The following REST variants were observed in gnomAD, a reference collection of about 807,000 sequenced individuals.
The protein encoded by REST is RE1-silencing transcription factor.
In REST, 1 loss-of-function variant was observed where a neutral mutation model predicts 30.4. The ratio of observed to expected loss-of-function variants is 0.03; its 90% CI spans 0.01 to 0.16. The LOEUF is 0.16. Ranked by LOEUF, REST falls within the 10% of genes least tolerant of loss-of-function variation. The probability of loss-of-function intolerance (pLI) is 1.00; values close to 1 mark genes in which losing one functional copy is unlikely to be tolerated. For synonymous variants in REST, 504 were observed against 451.1 expected, an observed-to-expected ratio of 1.12 and a Z score of -1.49; for missense variants, 1,259 against 1,329.5, an observed-to-expected ratio of 0.95 and a Z score of 0.82.
chr4:56,921,815 AATT>A (rs956074081), intron 3 of REST, among the ~76,000 whole-genome samples: 1 of 152,242 alleles, frequency 6.6e-6, no homozygotes, highest in Non-Finnish European at 1.5e-5. Context: ...CATATGGCAA[AATT>A]ATTGTATACA....
chr4:56,916,508 T>C (rs1197598803), intron 2 of REST, among the ~76,000 whole-genome samples: 2 of 151,720 alleles, frequency 1.3e-5, no homozygotes, highest in Non-Finnish European at 2.9e-5. Context: ...ATACAACACT[T>C]AGCCTGTAGT....
chr4:56,908,265 G>C (rs1206806264), intron 1 of REST, 52 bp downstream of exon 1: 1 of 214,530 alleles, frequency 4.7e-6, no homozygotes, highest in African/African-American at 2.3e-5. Context: ...AGGGCCGCCC[G>C]GGCGGCGGCA....
At chr4:56,921,429 G>A (rs925174981) in intron 3 of REST, among the ~76,000 whole-genome samples, 4 of 151,696 alleles carry the variant, frequency 2.6e-5, no homozygotes, top group Admixed American at 1.3e-4. Context: ...TTTCTGTTGA[G>A]ACAGAGTCTT....
rs374016428 is a variant in REST at position 56,930,958 on chromosome 4, A to T, written c.2100A>T (p.Gln700His). 6.2e-6 allele frequency: 10 copies of T among 1,610,756 alleles called. No homozygotes were observed. The African/African-American group carries it at 1.4e-4, about 22-fold the overall frequency. ...AGACTGCTCAGACGGAGGTTGCCCA[A>T]ATGGGGCCTGCTCCCATGGAACCTG... ...PMETAQTEVA[Q>H]MGPAPMEPAQ... Residue 700 changes from glutamine to histidine, a missense_variant, in exon 4 of 4, where the codon CAA (glutamine) becomes CAT (histidine). Transcript: ENST00000309042.
At chr4:56,925,078 T>C (rs1578505692) in intron 3 of REST, among the ~76,000 whole-genome samples, 2 of 149,542 alleles carry the variant, frequency 1.3e-5, no homozygotes, top group East Asian at 4.0e-4. Context: ...GACAGGAGAA[T>C]CACTTGAACC....
chr4:56,918,457 C>A (rs1720304412), intron 2 of REST, among the ~76,000 whole-genome samples: 1 of 152,172 alleles, frequency 6.6e-6, no homozygotes. Flanking sequence ...CATGCCACCA[C>A]ACTCCAGTCT....
In REST at chr4:56,931,948, T is replaced by C. The variant is rs754370383; in HGVS notation, c.3090T>C (p.Ser1030=). The change falls in exon 4 of 4, where the codon TCT becomes TCC. Residue 1030 remains serine (S), a synonymous_variant. Coordinates refer to ENST00000309042, the MANE Select transcript of REST (RefSeq NM_005612.5). ...SDNMSEGSDD[S]GLHGARPVPQ... is the part of the protein sequence containing the mutation. The stretch of plus-strand genomic sequence containing the variant: ...ACATGTCAGAGGGTAGTGATGATTC[T>C]GGATTGCATGGGGCTCGGCCAGTTC... 3 of 1,614,238 alleles carry C rather than the reference T, an allele frequency of 1.9e-6. No homozygotes were observed. The highest frequency in any genetic ancestry group is 2.5e-6 in the Non-Finnish European group (3 of 1,180,034).
chr4:56,915,240 A>AT (rs1193678055), intron 2 of REST, among the ~76,000 whole-genome samples: 4,814 of 55,638 alleles, frequency 0.087, 565 homozygotes, highest in Middle Eastern at 0.14. Context: ...GTGTGTGTGT[A>AT]TTTTTTTTTT....
intron 3 of REST, among the ~76,000 whole-genome samples, chr4:56,921,340 G>C (rs995566544): frequency 6.6e-6 from 1 of 152,142 alleles, no homozygotes; most frequent in Non-Finnish European, 1.5e-5. Flanking sequence ...TTAAGCTTTC[G>C]AAACATTAGT....
Position 56,911,066 on chromosome 4 carries a change from A to G in REST, c.428A>G (p.Glu143Gly). 6.2e-7 allele frequency: 1 copy of G among 1,614,156 alleles called. No homozygotes were observed. The highest frequency in any genetic ancestry group is 2.2e-5 in the East Asian group (1 of 44,886). Reference sequence around the variant, plus strand: ...AGTTCAAATAAAGATCTTCCCCCTGAAACACCTGGAGCGGAGGACAAAGGC... The same window carrying G: ...AGTTCAAATAAAGATCTTCCCCCTGGAACACCTGGAGCGGAGGACAAAGGC... ...IYSSNKDLPP[E>G]TPGAEDKGKS... is the part of the protein sequence containing the mutation. The change falls in exon 2 of 4, where the codon GAA (glutamate) becomes GGA (glycine). Residue 143 changes from glutamate to glycine, a missense_variant. Transcript: ENST00000309042.
intron 2 of REST, among the ~76,000 whole-genome samples, chr4:56,916,700 T>C (rs1158528089): frequency 6.6e-6 from 1 of 152,228 alleles, no homozygotes; most frequent in Non-Finnish European, 1.5e-5. Flanking sequence ...TTCAAGTTTA[T>C]CTGCAGTGGT....
At chr4:56,914,366 C>T (rs1171529444) in intron 2 of REST, among the ~76,000 whole-genome samples, 4 of 152,096 alleles carry the variant, frequency 2.6e-5, no homozygotes, top group Non-Finnish European at 5.9e-5. Context: ...GATTGCTAAG[C>T]CCCAGCAGAT....
Position 56,930,876 on chromosome 4 carries a change from C to G in REST, c.2018C>G (p.Ala673Gly). ...QKELLPPVEPAQMVGAQIVLA... is the reference protein window; with the variant it reads ...QKELLPPVEPGQMVGAQIVLA... ...GAGCTGCTGCCTCCCGTGGAGCCTG[C>G]TCAGATGGTGGGTGCCCAAATTGTA... Residue 673 changes from alanine to glycine, a missense_variant, in exon 4 of 4, where the codon GCT becomes GGT. Transcript: ENST00000309042. The G allele has an allele frequency of 6.2e-7, 1 of 1,614,042 alleles. No individual in the cohort carries two copies. Among genetic ancestry groups the G allele is most frequent in the Non-Finnish European group, 8.5e-7 (1 of 1,179,968 alleles).
intron 2 of REST, among the ~76,000 whole-genome samples, chr4:56,912,520 AT>A (rs1037452092): frequency 6.8e-4 from 95 of 139,378 alleles, no homozygotes; most frequent in Middle Eastern, 7.4e-3. Context: ...TGCCTGGCTA[AT>A]TTTTTTTTTT....
rs566105236 is a variant in REST, at chr4:56,910,416, G to A, written c.-9-214G>A. ...AAACAATTGGTAGAATTGTTTTATA[G>A]GGATAGTAGAAATTTTTTTTTGGTG... On this transcript the variant is annotated intron_variant, in intron 1 of 3. Coordinates refer to ENST00000309042, the MANE Select transcript of REST (RefSeq NM_005612.5). 2.0e-5 allele frequency among the ~76,000 whole-genome samples: 3 copies of A among 152,330 alleles called. No individual in the cohort carries two copies. In the South Asian group the frequency reaches 6.2e-4, roughly 32 times the overall value.
Position 56,931,469 on chromosome 4 carries a change from A to G in REST, c.2611A>G (p.Asn871Asp), listed in dbSNP as rs759296836. Reference protein sequence around the residue: ...SPPSPPLPKENLREEASGDQK... With the variant: ...SPPSPPLPKEDLREEASGDQK... ...ACCATCACCACCACTGCCAAAGGAA[A>G]ATTTAAGAGAAGAGGCATCAGGAGA... Residue 871 changes from asparagine to aspartate, a missense_variant, in exon 4 of 4, where the codon AAT (asparagine) becomes GAT (aspartate). Physicochemically the swap from Asn to Asp is conservative, Grantham distance 23. Transcript: ENST00000309042. 3 of 1,614,186 alleles carry G rather than the reference A, an allele frequency of 1.9e-6. No individual in the cohort carries two copies. The highest frequency in any genetic ancestry group is 3.3e-5 in the Admixed American group (2 of 60,018).
At position 56,931,812 on chromosome 4, in the gene REST, T is replaced by C. The variant is rs1720987044; in HGVS notation, c.2954T>C (p.Val985Ala). Residue 985 changes from valine (V) to alanine (A), a missense_variant, in exon 4 of 4, where the codon GTG becomes GCG. Physicochemically the swap from Val to Ala is moderately conservative, Grantham distance 64. Coordinates refer to ENST00000309042, the MANE Select transcript of REST (RefSeq NM_005612.5). ...PPSAVEEREA[V>A]SKTALASPPA... ...TCAGCAGTAGAAGAACGTGAAGCAG[T>C]GTCCAAAACTGCACTGGCATCACCT... is the stretch of plus-strand genomic sequence containing the variant. 6.2e-7 allele frequency: 1 copy of C among 1,614,136 alleles called. No homozygotes were observed. The highest frequency in any genetic ancestry group is 1.7e-5 in the Admixed American group (1 of 60,004).
At chr4:56,924,419 C>T (rs79726845) in intron 3 of REST, among the ~76,000 whole-genome samples, 1,539 of 152,202 alleles carry the variant, frequency 0.01, 20 homozygotes, top group African/African-American at 0.036. Context: ...CCCTTTCCAC[C>T]CAGTCTTTCC....
rs148565623 is a variant in REST at position 56,931,713 on chromosome 4, A to G, written c.2855A>G (p.Asp952Gly). The G allele has an allele frequency of 1.8e-4, 298 of 1,614,208 alleles. No homozygotes were observed. The African/African-American group carries it at 3.6e-3, about 19-fold the overall frequency. Residue 952 changes from aspartate to glycine, a missense_variant, in exon 4 of 4, where the codon GAT (aspartate) becomes GGT (glycine). Asp to Gly is a moderately conservative substitution (Grantham distance 94). This residue lies in a region of REST where 856 missense variants were observed against 772.8 expected (regional missense o/e 1.11). Coordinates refer to ENST00000309042, the MANE Select transcript of REST (RefSeq NM_005612.5). ...GTTTGTGAAATGAAAATGGACACTG[A>G]TCAGAACACAAGAGAGAATCTCACT... The part of the protein sequence containing the change: ...SIVCEMKMDT[D>G]QNTRENLTGI...
Sources: gnomAD v4.1 joint callset for allele counts (sites outside exome capture counted in the v4.1 genomes callset) on GRCh38, gnomAD v4.1.1 for gene constraint, gnomAD v4.1.1 regional missense constraint, MANE v1.5 for transcripts, NCBI Gene and HGNC (gene_info 2026-07-23, HGNC 2026-07-21) for gene names.